CCSER1: variants seen among roughly 807,000 people sequenced by gnomAD.
CCSER1 encodes serine-rich coiled-coil domain-containing protein 1.
CCSER1 carries 41 observed loss-of-function variants against 82.0 expected under a neutral mutation model. The ratio of observed to expected loss-of-function variants is 0.50; its 90% confidence interval spans 0.39 to 0.65. The LOEUF is 0.65. Among genes scored for constraint, CCSER1 ranks in the 30% least tolerant of loss-of-function variants. The pLI is 0.00. For missense variants in CCSER1, 1,119 were observed against 1,064.2 expected, an observed-to-expected ratio of 1.05 and a Z score of -0.72; for synonymous variants, 414 against 383.9, an observed-to-expected ratio of 1.08 and a Z score of -0.92.
intron 1 of CCSER1, among the ~76,000 whole-genome samples, chr4:90,164,569 A>G (rs1483409719): frequency 6.6e-6 from 1 of 152,132 alleles, no homozygotes; most frequent in Admixed American, 6.6e-5. Flanking sequence ...CTAACTGAAT[A>G]TTTTTAAAGG....
At chr4:90,906,874 T>C (rs1725558435) in intron 8 of CCSER1, among the ~76,000 whole-genome samples, 1 of 152,120 alleles carries the variant, frequency 6.6e-6, no homozygotes, top group African/African-American at 2.4e-5. Context: ...TCCTAAATCT[T>C]CGCAATGCCT....
chr4:90,156,925 G>T lies in CCSER1; in HGVS notation c.-42+29094G>T, dbSNP rs137942710. 2.1e-3 allele frequency among the ~76,000 whole-genome samples: 314 copies of T among 152,254 alleles called. 3 individuals carry two copies. In the East Asian group the frequency reaches 0.031, roughly 15 times the overall value. On this transcript the variant is annotated intron_variant, in intron 1 of 10. Transcript: ENST00000509176. ...ATTCGATCCTGTCATTATGATGTTAGCTGGTTATTTTGCTCGTTAGTTCAT... is the reference window on the plus strand; with the variant it reads ...ATTCGATCCTGTCATTATGATGTTATCTGGTTATTTTGCTCGTTAGTTCAT...
At chr4:90,376,395 T>C (rs760691366) in intron 3 of CCSER1, among the ~76,000 whole-genome samples, 2 of 152,216 alleles carry the variant, frequency 1.3e-5, no homozygotes, top group East Asian at 3.9e-4. Context: ...ATGGCAGACA[T>C]AGAAGATAGA....
At chr4:90,918,567 C>T (rs914249983) in intron 8 of CCSER1, among the ~76,000 whole-genome samples, 9 of 124,700 alleles carry the variant, frequency 7.2e-5, no homozygotes, top group African/African-American at 2.3e-4. Flanking sequence ...CTTGAGTATG[C>T]GCACGTGCAA....
At chr4:90,630,642 GACAACAGTTCTACTA>G (rs1724206599) in intron 6 of CCSER1, among the ~76,000 whole-genome samples, 1 of 151,904 alleles carries the variant, frequency 6.6e-6, no homozygotes, top group South Asian at 2.1e-4. Context: ...GATTAGCATA[GACAACAGTTCTACTA>G]AGAAGATATT....
At chr4:91,136,686 T>G (rs931130016) in intron 10 of CCSER1, among the ~76,000 whole-genome samples, 2 of 152,196 alleles carry the variant, frequency 1.3e-5, no homozygotes, top group African/African-American at 4.8e-5. Flanking sequence ...TTATTCAAAC[T>G]TTACCCAATA....
chr4:91,032,939 T>C (rs900064686), intron 9 of CCSER1, among the ~76,000 whole-genome samples: 2 of 152,188 alleles, frequency 1.3e-5, no homozygotes, highest in Non-Finnish European at 2.9e-5. Flanking sequence ...TCTTTGGTAG[T>C]TCCTTCCACC....
intron 1 of CCSER1, among the ~76,000 whole-genome samples, chr4:90,275,029 A>G (rs1249150245): frequency 1.3e-5 from 2 of 152,124 alleles, no homozygotes; most frequent in East Asian, 1.9e-4. Context: ...GAAATTACTT[A>G]CAATACCAAT....
At chr4:90,596,287 T>G (rs2148720392) in intron 5 of CCSER1, among the ~76,000 whole-genome samples, 1 of 152,068 alleles carries the variant, frequency 6.6e-6, no homozygotes, top group South Asian at 2.1e-4. Flanking sequence ...TTATGTTAAT[T>G]ATATAATAGA....
intron 10 of CCSER1, among the ~76,000 whole-genome samples, chr4:91,169,014 G>A (rs112580679): frequency 1.3e-5 from 2 of 151,880 alleles, no homozygotes; most frequent in African/African-American, 4.8e-5. Context: ...CTCCTTAAGA[G>A]TCATCACCAC....
At chr4:90,262,827 G>T (rs1387648598) in intron 1 of CCSER1, among the ~76,000 whole-genome samples, 2 of 152,116 alleles carry the variant, frequency 1.3e-5, no homozygotes, top group East Asian at 3.9e-4. Context: ...CTTTTTGTCT[G>T]TAAGAACATT....
In CCSER1 at chr4:90,442,611, G is replaced by A. The variant is rs549657825; in HGVS notation, c.1604-25623G>A. ...GTTGTGGGAATTTTGTCATCTAATA[G>A]TTAAGAATTGGTAGACACAGGAAAG... On this transcript the variant is annotated intron_variant, in intron 4 of 10. Coordinates refer to ENST00000509176, the MANE Select transcript of CCSER1 (RefSeq NM_001145065.2). 1.1e-3 allele frequency among the ~76,000 whole-genome samples: 174 copies of A among 152,284 alleles called. 1 individual carries two copies. Among genetic ancestry groups the A allele is most frequent in the African/African-American group, 3.8e-3 (156 of 41,574 alleles).
intron 6 of CCSER1, among the ~76,000 whole-genome samples, chr4:90,632,594 T>G (rs1724658322): frequency 6.6e-6 from 1 of 152,090 alleles, no homozygotes; most frequent in Non-Finnish European, 1.5e-5. Context: ...AGATGAGTAA[T>G]GGGTAGGCAT....
chr4:91,463,228 G>A (rs1283682612), intron 10 of CCSER1, among the ~76,000 whole-genome samples: 1 of 152,208 alleles, frequency 6.6e-6, no homozygotes, highest in African/African-American at 2.4e-5. Flanking sequence ...AGCCTCCGCT[G>A]CTGATACCCA....
intron 9 of CCSER1, among the ~76,000 whole-genome samples, chr4:91,006,911 A>T (rs1738567075): frequency 6.6e-6 from 1 of 152,058 alleles, no homozygotes; most frequent in Non-Finnish European, 1.5e-5. Flanking sequence ...TCACCTGTGG[A>T]TTTATAATAT....
At chr4:90,758,768 A>G (rs1251163396) in intron 7 of CCSER1, among the ~76,000 whole-genome samples, 1 of 152,198 alleles carries the variant, frequency 6.6e-6, no homozygotes, top group Non-Finnish European at 1.5e-5. Context: ...AGATATAGCT[A>G]CTGTTCTTGA....
At position 90,312,995 on chromosome 4, in the gene CCSER1, A is replaced by G. The variant is rs1171577916; in HGVS notation, c.1457A>G (p.Asn486Ser). 7.5e-6 allele frequency: 12 copies of G among 1,605,016 alleles called. No individual in the cohort carries two copies. The highest frequency in any genetic ancestry group is 2.2e-5 in the East Asian group (1 of 44,676). ...AAAGATGGAAATATAGAAGAAGTTAATAGTTTAAGAAAGCAAAGAGCAGGT... is the reference window on the plus strand; with the variant it reads ...AAAGATGGAAATATAGAAGAAGTTAGTAGTTTAAGAAAGCAAAGAGCAGGT... ...KPKDGNIEEV[N>S]SLRKQRAGSS... The change falls in exon 3 of 11, where the codon AAT becomes AGT. Residue 486 changes from asparagine to serine, a missense_variant. Physicochemically the swap from Asn to Ser is conservative, Grantham distance 46. Transcript: ENST00000509176.
intron 3 of CCSER1, among the ~76,000 whole-genome samples, chr4:90,329,840 T>A (rs1449407392): frequency 6.6e-6 from 1 of 152,166 alleles, no homozygotes; most frequent in Admixed American, 6.5e-5. Context: ...TACAGAGAAA[T>A]TTAATTTGCA....
Position 90,271,850 on chromosome 4 carries a change from A to ATATATATATG in CCSER1, c.-41-36385_-41-36384insGTATATATAT, listed in dbSNP as rs1560919270. ...TTTATATATATATATATATATATAT[A>ATATATATATG]TATATATATATATTTTTTTTTTTTT... is the stretch of plus-strand genomic sequence containing the variant. On this transcript the variant is annotated intron_variant, in intron 1 of 10. Transcript: ENST00000509176. Among the ~76,000 whole-genome samples, 53 of 23,122 alleles carry ATATATATATG rather than the reference A, an allele frequency of 2.3e-3. 1 individual carries two copies. In the African/African-American group the frequency reaches 0.025, roughly 11 times the overall value. 15.2% of individuals were successfully genotyped at this position (23,122 alleles called of 152,430 possible).
Sources: gnomAD v4.1 joint callset for allele counts (sites outside exome capture counted in the v4.1 genomes callset) on GRCh38, gnomAD v4.1.1 for gene constraint, MANE v1.5 for transcripts, NCBI Gene and HGNC (gene_info 2026-07-23, HGNC 2026-07-21) for gene names.